CACNB1: variants seen among roughly 807,000 people sequenced by gnomAD.
CACNB1 encodes voltage-dependent L-type calcium channel subunit beta-1.
In CACNB1, 29 loss-of-function variants were observed where a neutral mutation model predicts 71.6. That is an observed-to-expected ratio of 0.40 (90% CI 0.30 to 0.55). The LOEUF (loss-of-function observed/expected upper bound fraction) is 0.55, where lower values mean the gene tolerates loss of function less well. CACNB1 is among the 20% of genes least tolerant of loss of function. The probability of loss-of-function intolerance (pLI) is 0.38; values close to 1 mark genes in which losing one functional copy is unlikely to be tolerated. For synonymous variants in CACNB1, 300 were observed against 319.6 expected (o/e 0.94, Z 0.65); for missense variants, 623 against 801.8 (o/e 0.78, Z 2.69).
chr17:39,174,323 T>G lies in CACNB1; in HGVS notation c.*870A>C, dbSNP rs1315861921. 1 of 152,314 alleles carries G rather than the reference T, an allele frequency of 6.6e-6. No individual in the cohort carries two copies. The highest frequency in any genetic ancestry group is 1.5e-5 in the Non-Finnish European group (1 of 68,040). 9.4% of individuals were successfully genotyped at this position (152,314 alleles called of 1,614,324 possible). ...GGTCCTCTCCCCTGGGGCCTCAGGG[T>G]GAGGGTGAAGGAGCAGTTTTTTGGT... On this transcript the variant is annotated 3_prime_UTR_variant, in exon 14 of 14. Coordinates refer to ENST00000394303, the MANE Select transcript of CACNB1 (RefSeq NM_000723.5).
intron 3 of CACNB1, among the ~76,000 whole-genome samples, chr17:39,189,878 G>A (rs1390742457): frequency 3.3e-5 from 5 of 150,626 alleles, no homozygotes; most frequent in Non-Finnish European, 4.4e-5. Context: ...TTGGGAGGCC[G>A]AGGCAGGCAG....
Position 39,194,775 on chromosome 17 carries a change from G to T in CACNB1, c.171+109C>A. 1.4e-6 allele frequency: 1 copy of T among 734,034 alleles called. No homozygotes were observed. Among genetic ancestry groups the T allele is most frequent in the Non-Finnish European group, 2.3e-6 (1 of 434,970 alleles). The allele number at this position is 734,034 out of a possible 1,614,324, so 45.5% of individuals were successfully genotyped here. ...GGTGATGGGGTGGCTCCAGGCAGGT[G>T]ACAAATGGCACAGGGAAGGGTGCCT... On this transcript the variant is annotated intron_variant, in intron 2 of 13. Coordinates refer to ENST00000394303, the MANE Select transcript of CACNB1 (RefSeq NM_000723.5). The surrounding 1 kb of genome is among the most constrained non-coding windows in gnomAD (Gnocchi z 4.6).
rs16535 is a variant in CACNB1 at position 39,194,788 on chromosome 17, G to A, written c.171+96C>T. The stretch of plus-strand genomic sequence containing the variant: ...CTCCAGGCAGGTGACAAATGGCACA[G>A]GGAAGGGTGCCTGGACAATACCGCA... On this transcript the variant is annotated intron_variant, in intron 2 of 13. Coordinates refer to ENST00000394303, the MANE Select transcript of CACNB1 (RefSeq NM_000723.5). This position sits in a 1 kb window ranked among gnomAD's most constrained non-coding sequence, Gnocchi z 4.6. The A allele has an allele frequency of 0.13, 103,966 of 813,308 alleles. 10,454 individuals carry two copies. The highest frequency in any genetic ancestry group is 0.44 in the African/African-American group (25,761 of 57,978). The allele number at this position is 813,308 out of a possible 1,614,324, so 50.4% of individuals were successfully genotyped here. A position where few individuals can be genotyped will look rare whatever the true frequency, so the allele number is the denominator to read the frequency against.
chr17:39,187,943 G>T (rs1431118040), intron 3 of CACNB1, among the ~76,000 whole-genome samples: 3 of 152,066 alleles, frequency 2.0e-5, no homozygotes, highest in Non-Finnish European at 4.4e-5. Context: ...AACCTGGAAG[G>T]TGGAGGTTGC....
rs2046228040 is a variant in CACNB1, at chr17:39,197,549, G to A, written c.-54C>T. The A allele has an allele frequency of 2.2e-6, 3 of 1,333,778 alleles. No homozygotes were observed. Among genetic ancestry groups the A allele is most frequent in the Non-Finnish European group, 3.0e-6 (3 of 993,376 alleles). The allele number at this position is 1,333,778 out of a possible 1,614,324, so 82.6% of individuals were successfully genotyped here. A position where few individuals can be genotyped will look rare whatever the true frequency, so the allele number is the denominator to read the frequency against. On this transcript the variant is annotated 5_prime_UTR_variant, in exon 1 of 14. Transcript: ENST00000394303. Reference sequence around the variant, plus strand: ...CCCGGCCCAGCCGGGCTCCCTCAGCGCATGGGAGAGGCCGTGGGAGCCGAA... The same window carrying A: ...CCCGGCCCAGCCGGGCTCCCTCAGCACATGGGAGAGGCCGTGGGAGCCGAA...
chr17:39,176,091 C>T (rs1477027869), intron 13 of CACNB1, among the ~76,000 whole-genome samples: 1 of 152,144 alleles, frequency 6.6e-6, no homozygotes, highest in Non-Finnish European at 1.5e-5. Flanking sequence ...ACCTGCTGAC[C>T]CTGGCTTCTT....
At chr17:39,188,293 A>G (rs1016354016) in intron 3 of CACNB1, among the ~76,000 whole-genome samples, 1 of 151,610 alleles carries the variant, frequency 6.6e-6, no homozygotes. Context: ...AAAAAAAAAA[A>G]GTCTGGGCGT....
intron 4 of CACNB1, 76 bp from the exon 5 acceptor site, chr17:39,187,005 G>A (rs987958171): frequency 2.6e-6 from 4 of 1,528,712 alleles, no homozygotes; most frequent in African/African-American, 1.4e-5. Flanking sequence ...ACTCTCTAGG[G>A]GAAACGCCCA....
intron 11 of CACNB1, chr17:39,183,147 C>T (rs547482777): frequency 5.2e-5 from 8 of 153,516 alleles, no homozygotes; most frequent in African/African-American, 1.9e-4. Flanking sequence ...GCAGCCTGGG[C>T]AACACAGCTA....
rs952516580 is a variant in CACNB1 at position 39,186,649 on chromosome 17, C to T, written c.552-77G>A. On this transcript the variant is annotated intron_variant, in intron 5 of 13. Coordinates refer to ENST00000394303, the MANE Select transcript of CACNB1 (RefSeq NM_000723.5). The surrounding 1 kb of genome is among the most constrained non-coding windows in gnomAD (Gnocchi z 4.1). ...GGCTCTCATCCTCTCACATGCGGCACCCCCGGAGGTGCTCCAGCCCCACTG... is the reference window on the plus strand; with the variant it reads ...GGCTCTCATCCTCTCACATGCGGCATCCCCGGAGGTGCTCCAGCCCCACTG... 15 of 1,505,900 alleles carry T rather than the reference C, an allele frequency of 1.0e-5. No homozygotes were observed. In the African/African-American group the frequency reaches 1.2e-4, roughly 12 times the overall value. 93.3% of individuals were successfully genotyped at this position (1,505,900 alleles called of 1,614,324 possible).
chr17:39,175,751 TC>T lies in CACNB1; in HGVS notation c.1333-95del, dbSNP rs2144074169. 4 of 1,030,206 alleles carry T rather than the reference TC, an allele frequency of 3.9e-6. No individual in the cohort carries two copies. In the South Asian group the frequency reaches 4.8e-5, roughly 12 times the overall value. 63.8% of individuals were successfully genotyped at this position (1,030,206 alleles called of 1,614,324 possible). ...GCAAGTTAGTGACAGCATTAAGAGG[TC>T]CGGCCTGGATGAAGAGGGTGCTGGC... is the stretch of plus-strand genomic sequence containing the variant. On this transcript the variant is annotated intron_variant, in intron 13 of 13. Coordinates refer to ENST00000394303, the MANE Select transcript of CACNB1 (RefSeq NM_000723.5). This position sits in a 1 kb window ranked among gnomAD's most constrained non-coding sequence, Gnocchi z 4.7.
At chr17:39,176,710 C>A (rs626657) in intron 13 of CACNB1, among the ~76,000 whole-genome samples, 37,337 of 152,154 alleles carry the variant, frequency 0.25, 6,724 homozygotes, top group African/African-American at 0.52. Context: ...AATGGTGTGC[C>A]ATCAAGAGGT....
chr17:39,185,906 G>A (rs770401544), intron 6 of CACNB1: 5 of 1,587,650 alleles, frequency 3.1e-6, no homozygotes, highest in African/African-American at 1.3e-5. Flanking sequence ...CCAAAGTGCT[G>A]GCCCTGACTC....
chr17:39,191,833 G>A (rs2046088262), intron 2 of CACNB1: 1 of 507,202 alleles, frequency 2.0e-6, no homozygotes, highest in Non-Finnish European at 3.4e-6. Context: ...ATGAAGGCAG[G>A]CCCAAGGACA....
Position 39,186,802 on chromosome 17 carries a change from A to G in CACNB1, c.542T>C (p.Leu181Pro), listed in dbSNP as rs2144141763. ...LQEQKLRQNRLGSSKSGDNSS... is the reference protein window; with the variant it reads ...LQEQKLRQNRPGSSKSGDNSS... The stretch of plus-strand genomic sequence containing the variant: ...TGCCCCACCCAGACACCTGGAGCCG[A>G]GGCGGTTCTGGCGCAGCTTCTGTTC... The change falls in exon 5 of 14, where the codon CTC (leucine) becomes CCC (proline). Residue 181 changes from leucine to proline, a missense_variant. Transcript: ENST00000394303. This position sits in a 1 kb window ranked among gnomAD's most constrained non-coding sequence, Gnocchi z 4.1. 6.2e-7 allele frequency: 1 copy of G among 1,613,790 alleles called. No individual in the cohort carries two copies. The highest frequency in any genetic ancestry group is 8.5e-7 in the Non-Finnish European group (1 of 1,179,936).
At chr17:39,177,325 T>C (rs145951422) in intron 13 of CACNB1, 25 bp downstream of exon 13, 1 of 1,612,344 alleles carries the variant, frequency 6.2e-7, no homozygotes, top group African/African-American at 1.3e-5. Context: ...CCGAGGTTTC[T>C]CCTGAGCGAG....
intron 1 of CACNB1, among the ~76,000 whole-genome samples, chr17:39,195,873 G>T (rs1441925181): frequency 1.3e-5 from 2 of 152,150 alleles, no homozygotes; most frequent in East Asian, 3.8e-4. Flanking sequence ...CAGATCTCTA[G>T]GGGGTAAGCT....
chr17:39,195,838 CA>C (rs1243326460), intron 1 of CACNB1, among the ~76,000 whole-genome samples: 3 of 152,200 alleles, frequency 2.0e-5, no homozygotes, highest in Non-Finnish European at 4.4e-5. Context: ...GGCCCCGCAC[CA>C]CATGAGCCTA....
Position 39,175,166 on chromosome 17 carries a change from T to A in CACNB1, c.*27A>T, listed in dbSNP as rs766776561. 11 of 1,569,298 alleles carry A rather than the reference T, an allele frequency of 7.0e-6. No homozygotes were observed. The African/African-American group carries it at 1.5e-4, about 21-fold the overall frequency. ...CTCCCCTCCCCTGGGCTCAGAGCCC[T>A]TCCTCCCGCCGTGTGGCCCCTGCCT... On this transcript the variant is annotated 3_prime_UTR_variant, in exon 14 of 14. Transcript: ENST00000394303. This position sits in a 1 kb window ranked among gnomAD's most constrained non-coding sequence, Gnocchi z 4.7.
Sources: gnomAD v4.1 joint callset for allele counts (sites outside exome capture counted in the v4.1 genomes callset) on GRCh38, gnomAD v4.1.1 for gene constraint, Gnocchi (gnomAD v3.1) non-coding constraint, MANE v1.5 for transcripts, NCBI Gene and HGNC (gene_info 2026-07-23, HGNC 2026-07-21) for gene names.